Variants in CDH18 observed in about 807,000 individuals in gnomAD.
CDH18 encodes cadherin 18, also known as cadherin-18.
Under a neutral mutation model 67.9 loss-of-function variants are expected in CDH18, and 31 were observed. That is an observed-to-expected ratio of 0.46 (90% CI 0.34 to 0.62). The LOEUF (loss-of-function observed/expected upper bound fraction) is 0.62. Ranked by LOEUF, CDH18 falls within the 20% of genes least tolerant of loss-of-function variation. The pLI, the probability that CDH18 is intolerant of heterozygous loss-of-function variation, is 0.01. For missense variants in CDH18, 890 were observed against 975.5 expected, an observed-to-expected ratio of 0.91 and a Z score of 1.17; for synonymous variants, 362 against 347.2, an observed-to-expected ratio of 1.04 and a Z score of -0.48.
At chr5:20,032,900 AG>A (rs1739528988) in intron 2 of CDH18, among the ~76,000 whole-genome samples, 1 of 152,064 alleles carries the variant, frequency 6.6e-6, no homozygotes. Flanking sequence ...TGAAAGATTC[AG>A]GGTTCACTTA....
intron 9 of CDH18, among the ~76,000 whole-genome samples, chr5:19,542,032 C>G (rs1750364246): frequency 1.3e-5 from 2 of 152,142 alleles, no homozygotes; most frequent in Admixed American, 1.3e-4. Flanking sequence ...CTCATGGATT[C>G]TTTAGAGAAC....
At chr5:20,128,657 C>T in intron 2 of CDH18, among the ~76,000 whole-genome samples, 1 of 152,114 alleles carries the variant, frequency 6.6e-6, no homozygotes, top group Non-Finnish European at 1.5e-5. Context: ...AGCTTATCAT[C>T]TTACTAACTT....
chr5:20,475,318 C>T (rs147476885), intron 1 of CDH18, among the ~76,000 whole-genome samples: 49 of 151,978 alleles, frequency 3.2e-4, no homozygotes, highest in Middle Eastern at 3.4e-3. Context: ...TTAAGCAGTA[C>T]AGTGAAATGA....
rs1044510913 is a variant in CDH18, at chr5:20,308,458, G to A, written c.-579-52953C>T. Among the ~76,000 whole-genome samples, 3 of 151,704 alleles carry A rather than the reference G, an allele frequency of 2.0e-5. No homozygotes were observed. In the South Asian group the frequency reaches 6.3e-4, roughly 32 times the overall value. ...CTTGGGAGGCTGAGGTAGGAGAATC[G>A]CTTGAACCCGGGAGGGGGAGGTTGC... On this transcript the variant is annotated intron_variant, in intron 1 of 14. Transcript: ENST00000507958.
chr5:19,755,442 TATATATATATATATATACACAC>T (rs1323405578), intron 3 of CDH18, among the ~76,000 whole-genome samples: 1 of 9,486 alleles, frequency 1.1e-4, no homozygotes, highest in Non-Finnish European at 1.4e-3. Flanking sequence ...TATATATATA[TATATATATATATATATACACAC>T]ACACACACAC....
At chr5:19,696,160 T>C (rs1467259391) in intron 5 of CDH18, among the ~76,000 whole-genome samples, 2 of 152,242 alleles carry the variant, frequency 1.3e-5, no homozygotes, top group East Asian at 1.9e-4. Context: ...GGGTATATTA[T>C]GTAACCAACA....
intron 1 of CDH18, among the ~76,000 whole-genome samples, chr5:20,461,666 C>A (rs1453643385): frequency 6.6e-6 from 1 of 152,068 alleles, no homozygotes; most frequent in Non-Finnish European, 1.5e-5. Flanking sequence ...AGACTATTAA[C>A]TATCATGTAT....
intron 2 of CDH18, among the ~76,000 whole-genome samples, chr5:20,001,537 T>C (rs1350705476): frequency 1.3e-5 from 2 of 152,198 alleles, no homozygotes; most frequent in South Asian, 2.1e-4. Flanking sequence ...CTCTGAAGCA[T>C]TGTCCAGAAA....
chr5:20,120,128 C>T (rs1190174962), intron 2 of CDH18, among the ~76,000 whole-genome samples: 1 of 151,806 alleles, frequency 6.6e-6, no homozygotes, highest in Non-Finnish European at 1.5e-5. Flanking sequence ...CAGAAATTCA[C>T]TAGAGTGAGA....
intron 5 of CDH18, among the ~76,000 whole-genome samples, chr5:19,637,352 CA>C (rs1211734618): frequency 3.3e-4 from 50 of 152,188 alleles, no homozygotes; most frequent in African/African-American, 1.2e-3. Context: ...ACTCTAATAT[CA>C]CGGCTGCCAT....
intron 1 of CDH18, among the ~76,000 whole-genome samples, chr5:20,377,017 C>CAA (rs34122318): frequency 0.025 from 3,497 of 142,674 alleles, 88 homozygotes; most frequent in African/African-American, 0.057. Context: ...GACTCCGTCT[C>CAA]AAAAAAAAAA....
intron 1 of CDH18, among the ~76,000 whole-genome samples, chr5:20,366,448 T>C (rs927832334): frequency 2.6e-5 from 4 of 152,176 alleles, no homozygotes; most frequent in African/African-American, 9.6e-5. Flanking sequence ...AATTTCTCCA[T>C]AGTCACTTTT....
chr5:20,566,360 C>CTTTTT (rs529048391), intron 1 of CDH18, among the ~76,000 whole-genome samples: 11 of 119,268 alleles, frequency 9.2e-5, no homozygotes, highest in Non-Finnish European at 1.4e-4. Flanking sequence ...TTTTCTTTTT[C>CTTTTT]TTTTTTTTTT....
chr5:20,010,580 T>C (rs1375252123), intron 2 of CDH18, among the ~76,000 whole-genome samples: 1 of 152,152 alleles, frequency 6.6e-6, no homozygotes, highest in South Asian at 2.1e-4. Flanking sequence ...CATAAAATTT[T>C]CTATATCATT....
At chr5:20,566,329 C>T (rs1758500680) in intron 1 of CDH18, among the ~76,000 whole-genome samples, 1 of 149,418 alleles carries the variant, frequency 6.7e-6, no homozygotes. Context: ...GCCTTAAAAG[C>T]TTTCTGATTC....
chr5:20,129,602 C>A (rs908548458), intron 2 of CDH18, among the ~76,000 whole-genome samples: 1 of 151,976 alleles, frequency 6.6e-6, no homozygotes, highest in African/African-American at 2.4e-5. Context: ...AGACATCAGG[C>A]GATTGGAAAC....
At chr5:20,241,671 G>T (rs1432622023) in intron 2 of CDH18, among the ~76,000 whole-genome samples, 2 of 151,738 alleles carry the variant, frequency 1.3e-5, no homozygotes, top group Non-Finnish European at 2.9e-5. Flanking sequence ...CTAATATGGT[G>T]AAACCCCATC....
intron 6 of CDH18, among the ~76,000 whole-genome samples, chr5:19,593,728 T>C (rs879493033): frequency 0.075 from 10,123 of 134,858 alleles, 984 homozygotes; most frequent in East Asian, 0.25. Context: ...TTCTTCTTCT[T>C]CTTCTTCTTC....
At chr5:19,993,125 T>A (rs1414477259), upstream of CDH18, among the ~76,000 whole-genome samples, 1 of 152,152 alleles carries the variant, frequency 6.6e-6, no homozygotes, top group Non-Finnish European at 1.5e-5. Context: ...ACAAATTTCA[T>A]AAAGGATCTT....
Sources: allele counts gnomAD v4.1 joint callset (sites outside exome capture counted in the v4.1 genomes callset), GRCh38; gene constraint gnomAD v4.1.1; transcripts MANE v1.5; gene names NCBI Gene and HGNC (gene_info 2026-07-23, HGNC 2026-07-21).